AOAH: variants seen among roughly 807,000 people sequenced by gnomAD.
The protein encoded by AOAH is acyloxyacyl hydrolase.
AOAH carries 64 observed loss-of-function variants against 92.2 expected under a neutral mutation model. That is an observed-to-expected ratio of 0.69 (90% CI 0.57 to 0.86). AOAH has a LOEUF of 0.86. Among genes scored for constraint, AOAH ranks in the 40% least tolerant of loss-of-function variants. AOAH has a pLI of 0.00. For synonymous variants in AOAH, 263 were observed against 254.5 expected, an observed-to-expected ratio of 1.03 and a Z score of -0.32; for missense variants, 656 against 694.6, an observed-to-expected ratio of 0.94 and a Z score of 0.62.
intron 6 of AOAH, among the ~76,000 whole-genome samples, chr7:36,628,395 G>A (rs1227178328): frequency 6.6e-6 from 1 of 152,148 alleles, no homozygotes; most frequent in African/African-American, 2.4e-5. Flanking sequence ...ATCACTCCAT[G>A]GTCATAGCCT....
At chr7:36,574,619 C>T (rs1221053841) in intron 13 of AOAH, among the ~76,000 whole-genome samples, 1 of 152,164 alleles carries the variant, frequency 6.6e-6, no homozygotes, top group Non-Finnish European at 1.5e-5. Flanking sequence ...GCATTTCTGG[C>T]AGAATCCTAT....
intron 6 of AOAH, among the ~76,000 whole-genome samples, chr7:36,627,366 G>A (rs761038744): frequency 1.8e-4 from 28 of 152,178 alleles, no homozygotes; most frequent in African/African-American, 3.4e-4. Flanking sequence ...GAAAAGCCAC[G>A]GGAATTCTTT....
intron 12 of AOAH, among the ~76,000 whole-genome samples, chr7:36,591,481 T>C (rs536655113): frequency 1.4e-4 from 22 of 152,324 alleles, no homozygotes; most frequent in African/African-American, 4.6e-4. Flanking sequence ...CTTTGTGAGA[T>C]GGTGTCAGAA....
chr7:36,636,154 C>T (rs1001239049), intron 5 of AOAH, among the ~76,000 whole-genome samples: 4 of 152,186 alleles, frequency 2.6e-5, no homozygotes, highest in Admixed American at 6.5e-5. Flanking sequence ...AATTACTCTC[C>T]GAGCAGTTTT....
intron 1 of AOAH, chr7:36,689,974 G>A (rs1180926373): frequency 3.3e-6 from 1 of 306,010 alleles, no homozygotes; most frequent in Non-Finnish European, 6.4e-6. Flanking sequence ...ATAAACCTTG[G>A]ATGCTGTTTC....
At chr7:36,582,113 C>A (rs1192379913) in intron 12 of AOAH, among the ~76,000 whole-genome samples, 1 of 152,198 alleles carries the variant, frequency 6.6e-6, no homozygotes, top group Non-Finnish European at 1.5e-5. Flanking sequence ...GCTAAACTAT[C>A]ATGATGATTC....
chr7:36,560,447 G>C (rs1018678211), intron 13 of AOAH, among the ~76,000 whole-genome samples: 29 of 152,072 alleles, frequency 1.9e-4, no homozygotes, highest in Admixed American at 5.2e-4. Context: ...AGAGGTCTTT[G>C]ACCTCCTTGG....
chr7:36,517,935 A>C (rs1254330810), intron 20 of AOAH, among the ~76,000 whole-genome samples: 16 of 70,626 alleles, frequency 2.3e-4, no homozygotes, highest in African/African-American at 5.7e-4. Context: ...ACACACCCAC[A>C]CACACACACC....
At chr7:36,528,942 G>A (rs1458176019) in intron 19 of AOAH, among the ~76,000 whole-genome samples, 2 of 152,180 alleles carry the variant, frequency 1.3e-5, no homozygotes, top group Admixed American at 1.3e-4. Context: ...GGTAGGTCTG[G>A]AGTAGGGCCT....
chr7:36,671,087 G>A (rs1341565134), intron 3 of AOAH, among the ~76,000 whole-genome samples: 1 of 152,152 alleles, frequency 6.6e-6, no homozygotes, highest in African/African-American at 2.4e-5. Context: ...CTGGTTCCCT[G>A]ATCTAGGCTC....
At chr7:36,537,037 T>A (rs1351839154) in intron 16 of AOAH, among the ~76,000 whole-genome samples, 1 of 146,814 alleles carries the variant, frequency 6.8e-6, no homozygotes, top group Non-Finnish European at 1.5e-5. Context: ...GAGTGATGAG[T>A]CCTGTCAAAG....
intron 11 of AOAH, among the ~76,000 whole-genome samples, chr7:36,613,976 G>A (rs753576622): frequency 6.6e-6 from 1 of 152,208 alleles, no homozygotes; most frequent in East Asian, 1.9e-4. Flanking sequence ...CTTGGGAGAG[G>A]TTCAACCAGA....
chr7:36,710,665 A>T (rs1798713119), intron 1 of AOAH, among the ~76,000 whole-genome samples: 1 of 152,224 alleles, frequency 6.6e-6, no homozygotes, highest in Non-Finnish European at 1.5e-5. Flanking sequence ...GAAAGCTAAT[A>T]CACTGTGCAA....
At chr7:36,533,767 C>T (rs1395461776) in intron 16 of AOAH, among the ~76,000 whole-genome samples, 1 of 152,094 alleles carries the variant, frequency 6.6e-6, no homozygotes, top group Non-Finnish European at 1.5e-5. Flanking sequence ...TGACTGACAT[C>T]TTCCTTCTCC....
chr7:36,594,673 T>C (rs894926353), intron 11 of AOAH: 3 of 543,172 alleles, frequency 5.5e-6, no homozygotes, highest in Non-Finnish European at 1.0e-5. Context: ...TGCAGAACAT[T>C]TGGCATCTCA....
intron 1 of AOAH, among the ~76,000 whole-genome samples, chr7:36,704,061 G>C (rs1298320197): frequency 6.6e-6 from 1 of 152,024 alleles, no homozygotes; most frequent in Non-Finnish European, 1.5e-5. Flanking sequence ...GTGTGAGATG[G>C]TATCTCATTG....
intron 3 of AOAH, among the ~76,000 whole-genome samples, chr7:36,667,259 C>T (rs1035221399): frequency 5.9e-5 from 9 of 152,170 alleles, no homozygotes; most frequent in Non-Finnish European, 1.3e-4. Flanking sequence ...AAATCTTGCA[C>T]CATCCCACTC....
intron 3 of AOAH, among the ~76,000 whole-genome samples, chr7:36,662,158 G>A (rs1333305600): frequency 6.6e-6 from 1 of 152,174 alleles, no homozygotes; most frequent in Non-Finnish European, 1.5e-5. Flanking sequence ...ATCACAGAAA[G>A]GGGGGCCACC....
At chr7:36,585,785 G>A (rs1789280852) in intron 12 of AOAH, among the ~76,000 whole-genome samples, 2 of 152,206 alleles carry the variant, frequency 1.3e-5, no homozygotes, top group Admixed American at 1.3e-4. Context: ...AAAGGGCCTG[G>A]ATGGAATCAC....
Sources: gnomAD v4.1 joint callset for allele counts (sites outside exome capture counted in the v4.1 genomes callset) on GRCh38, gnomAD v4.1.1 for gene constraint, MANE v1.5 for transcripts, NCBI Gene and HGNC (gene_info 2026-07-23, HGNC 2026-07-21) for gene names.